The following CDH13 variants were observed in gnomAD, a reference collection of about 807,000 sequenced individuals.
The protein encoded by CDH13 is cadherin-13.
Under a neutral mutation model 63.8 loss-of-function variants are expected in CDH13, and 24 were observed. The observed-to-expected ratio is 0.38, with a 90% CI of 0.27 to 0.53. The LOEUF (loss-of-function observed/expected upper bound fraction) is 0.53, where lower values mean the gene tolerates loss of function less well. Ranked by LOEUF, CDH13 falls within the 20% of genes least tolerant of loss-of-function variation. The pLI, the probability that CDH13 is intolerant of heterozygous loss-of-function variation, is 0.85. For synonymous variants in CDH13, 503 were observed against 355.3 expected (o/e 1.42, Z -4.67); for missense variants, 1,049 against 903.1 (o/e 1.16, Z -2.07).
intron 5 of CDH13, among the ~76,000 whole-genome samples, chr16:83,340,345 C>T (rs1360651709): frequency 6.6e-6 from 1 of 151,596 alleles, no homozygotes; most frequent in Non-Finnish European, 1.5e-5. Flanking sequence ...CATGTGCGTG[C>T]TGCTCCAGAT....
intron 3 of CDH13, among the ~76,000 whole-genome samples, chr16:83,046,103 A>G (rs992076525): frequency 6.6e-6 from 1 of 152,132 alleles, no homozygotes; most frequent in Non-Finnish European, 1.5e-5. Flanking sequence ...TCAAGGCCTA[A>G]TCTCATCATA....
In CDH13 at chr16:82,757,350, C is replaced by G. The variant is rs1362236466; in HGVS notation, c.46-101012C>G. Among the ~76,000 whole-genome samples, 4 of 152,164 alleles carry G rather than the reference C, an allele frequency of 2.6e-5. No homozygotes were observed. The East Asian group carries it at 7.7e-4, about 29-fold the overall frequency. On this transcript the variant is annotated intron_variant, in intron 1 of 13. Coordinates refer to ENST00000567109, the MANE Select transcript of CDH13 (RefSeq NM_001257.5). ...TGATATTTGAACTTCTTACCCAAAC[C>G]CCCAAGTCCAAAGGCCCTTGTCTTG...
At chr16:83,559,151 T>C (rs1424069108) in intron 7 of CDH13, among the ~76,000 whole-genome samples, 2 of 152,212 alleles carry the variant, frequency 1.3e-5, no homozygotes, top group South Asian at 4.1e-4. Context: ...ATGCAAAGAC[T>C]GTATTCTGAA....
In CDH13 at chr16:83,791,884, A is replaced by G. The variant is rs558233681; in HGVS notation, c.2135-3139A>G. 1.5e-3 allele frequency among the ~76,000 whole-genome samples: 231 copies of G among 152,084 alleles called. 2 individuals are homozygous for G. The highest frequency in any genetic ancestry group is 1.5e-3 in the Non-Finnish European group (104 of 68,006). ...AACACTTTTAAAATTTTATTTTTCA[A>G]CGTATTGTTTGCATAAAACAAAATG... is the stretch of plus-strand genomic sequence containing the variant. On this transcript the variant is annotated intron_variant, in intron 13 of 13. Coordinates refer to ENST00000567109, the MANE Select transcript of CDH13 (RefSeq NM_001257.5).
chr16:83,107,717 A>G (rs574683932), intron 3 of CDH13, among the ~76,000 whole-genome samples: 3 of 149,260 alleles, frequency 2.0e-5, no homozygotes, highest in Non-Finnish European at 4.4e-5. Flanking sequence ...TTGCGTAGTG[A>G]GTGGAATTTT....
At chr16:83,291,838 T>A (rs532098093) in intron 5 of CDH13, among the ~76,000 whole-genome samples, 1 of 152,342 alleles carries the variant, frequency 6.6e-6, no homozygotes, top group East Asian at 1.9e-4. Flanking sequence ...ACGTTTGGTC[T>A]CTTACATATT....
chr16:83,076,477 C>G (rs1410266177), intron 3 of CDH13, among the ~76,000 whole-genome samples: 2 of 152,142 alleles, frequency 1.3e-5, no homozygotes, highest in Admixed American at 1.3e-4. Flanking sequence ...TTCATAAAAT[C>G]ATTTCTGAAC....
chr16:83,759,110 G>A (rs757326563), intron 11 of CDH13, among the ~76,000 whole-genome samples: 41 of 152,164 alleles, frequency 2.7e-4, no homozygotes, highest in Non-Finnish European at 4.9e-4. Context: ...AGAATAAGTT[G>A]TAGAACTTAC....
chr16:83,301,839 A>T (rs1362210334), intron 5 of CDH13, among the ~76,000 whole-genome samples: 1 of 142,250 alleles, frequency 7.0e-6, no homozygotes, highest in African/African-American at 2.5e-5. Flanking sequence ...TTACAAAAAT[A>T]CATTTATGCT....
At chr16:82,743,848 A>G (rs1403856777) in intron 1 of CDH13, among the ~76,000 whole-genome samples, 1 of 152,216 alleles carries the variant, frequency 6.6e-6, no homozygotes, top group East Asian at 1.9e-4. Context: ...TGACATAGAA[A>G]AATTTCAAGC....
At chr16:83,136,663 A>G (rs1261618038) in intron 4 of CDH13, among the ~76,000 whole-genome samples, 4 of 152,056 alleles carry the variant, frequency 2.6e-5, no homozygotes, top group African/African-American at 9.7e-5. Context: ...CAGCTTCAGT[A>G]CAATCTTGTT....
chr16:82,917,650 G>T (rs1037254170), intron 2 of CDH13, among the ~76,000 whole-genome samples: 1 of 152,110 alleles, frequency 6.6e-6, no homozygotes, highest in Non-Finnish European at 1.5e-5. Flanking sequence ...CATGGCTCAC[G>T]CCTGTAATCC....
At chr16:82,650,544 C>T (rs1910606690) in intron 1 of CDH13, among the ~76,000 whole-genome samples, 1 of 152,214 alleles carries the variant, frequency 6.6e-6, no homozygotes, top group African/African-American at 2.4e-5. Context: ...GCAACCCCTA[C>T]CCTATTCTAT....
intron 5 of CDH13, among the ~76,000 whole-genome samples, chr16:83,333,336 C>T (rs866170914): frequency 1.3e-5 from 2 of 152,068 alleles, no homozygotes. Context: ...TAGTATACTG[C>T]ATCCACATTT....
At position 83,795,388 on chromosome 16, in the gene CDH13, T is replaced by C; in HGVS notation, c.*358T>C. The C allele has an allele frequency of 1.1e-5, 3 of 278,640 alleles. No homozygotes were observed. The highest frequency in any genetic ancestry group is 8.2e-5 in the East Asian group (1 of 12,198). 17.3% of individuals were successfully genotyped at this position (278,640 alleles called of 1,614,324 possible). On this transcript the variant is annotated 3_prime_UTR_variant, in exon 14 of 14. Coordinates refer to ENST00000567109, the MANE Select transcript of CDH13 (RefSeq NM_001257.5). ...TTGTCTGTGGGTTAGTATTGGTGTATGTATGAGTATCTGTATGTATATATA... is the reference window on the plus strand; with the variant it reads ...TTGTCTGTGGGTTAGTATTGGTGTACGTATGAGTATCTGTATGTATATATA...
intron 7 of CDH13, among the ~76,000 whole-genome samples, chr16:83,511,448 T>C (rs1037236082): frequency 3.1e-4 from 46 of 149,202 alleles, no homozygotes; most frequent in Non-Finnish European, 3.0e-5. Flanking sequence ...GGGGACAGAG[T>C]GAGATTCCAT....
intron 10 of CDH13, among the ~76,000 whole-genome samples, chr16:83,707,941 A>C (rs527987065): frequency 2.6e-5 from 4 of 151,626 alleles, no homozygotes; most frequent in African/African-American, 9.7e-5. Flanking sequence ...CTTTGGACTC[A>C]TCCTCCTGTG....
At chr16:82,858,570 A>C (rs764544133) in intron 2 of CDH13, 97 bp downstream of exon 2, 59 of 853,300 alleles carry the variant, frequency 6.9e-5, no homozygotes, top group Non-Finnish European at 1.1e-4. Flanking sequence ...TTCCTAAACT[A>C]AGTGTTTTCT....
chr16:82,799,840 C>G (rs991117572), intron 1 of CDH13, among the ~76,000 whole-genome samples: 2 of 151,460 alleles, frequency 1.3e-5, no homozygotes, highest in African/African-American at 2.4e-5. Context: ...TATGTCTCTG[C>G]CTATCTACTG....
Sources: gnomAD v4.1 joint callset for allele counts (sites outside exome capture counted in the v4.1 genomes callset) on GRCh38, gnomAD v4.1.1 for gene constraint, MANE v1.5 for transcripts, NCBI Gene and HGNC (gene_info 2026-07-23, HGNC 2026-07-21) for gene names.